MALRD1: variants seen among roughly 807,000 people sequenced by gnomAD.
MALRD1 encodes the protein MAM and LDL-receptor class A domain-containing protein 1.
In MALRD1, 247 loss-of-function variants were observed where a neutral mutation model predicts 242.1. That is an observed-to-expected ratio of 1.02 (90% CI 0.92 to 1.13). MALRD1 has a LOEUF of 1.13. Among genes scored for constraint, MALRD1 ranks in the 50% most tolerant of loss-of-function variants. The probability of loss-of-function intolerance (pLI) is 0.00; values close to 1 mark genes in which losing one functional copy is unlikely to be tolerated. For synonymous variants in MALRD1, 995 were observed against 866.6 expected (o/e 1.15, Z -2.60); for missense variants, 2,989 against 2,533.1 (o/e 1.18, Z -3.86).
intron 5 of MALRD1, among the ~76,000 whole-genome samples, chr10:19,114,601 CA>C (rs1003281551): frequency 6.6e-6 from 1 of 151,406 alleles, no homozygotes; most frequent in Non-Finnish European, 1.5e-5. Flanking sequence ...GCCTAGGTGA[CA>C]AAAAAAGACT....
At chr10:19,514,291 AC>A (rs983582535) in intron 31 of MALRD1, among the ~76,000 whole-genome samples, 1 of 152,210 alleles carries the variant, frequency 6.6e-6, no homozygotes, top group Non-Finnish European at 1.5e-5. Context: ...AATTTCTCAA[AC>A]ACATATTAAT....
intron 34 of MALRD1, among the ~76,000 whole-genome samples, chr10:19,603,548 T>A (rs1458760783): frequency 6.6e-6 from 1 of 152,160 alleles, no homozygotes; most frequent in African/African-American, 2.4e-5. Flanking sequence ...GTTCCATTGG[T>A]CTATATCTCT....
chr10:19,337,294 A>C (rs920312597), intron 24 of MALRD1, among the ~76,000 whole-genome samples: 1 of 152,182 alleles, frequency 6.6e-6, no homozygotes, highest in Non-Finnish European at 1.5e-5. Context: ...AAGATAAAAC[A>C]TAAGAAATCA....
intron 38 of MALRD1, among the ~76,000 whole-genome samples, chr10:19,699,366 G>C (rs1833518060): frequency 6.6e-6 from 1 of 151,910 alleles, no homozygotes. Flanking sequence ...CAGTTATGCA[G>C]ATCCACGGAA....
chr10:19,234,807 C>T (rs1838234909), intron 18 of MALRD1, among the ~76,000 whole-genome samples: 1 of 152,024 alleles, frequency 6.6e-6, no homozygotes, highest in Non-Finnish European at 1.5e-5. Flanking sequence ...GACAAAGGCA[C>T]ACAAGCAAAG....
chr10:19,584,224 T>G (rs916730046), intron 33 of MALRD1, among the ~76,000 whole-genome samples: 3 of 152,172 alleles, frequency 2.0e-5, no homozygotes, highest in Non-Finnish European at 4.4e-5. Context: ...CTCTATTTCC[T>G]TCAGTTCTGC....
chr10:19,270,014 C>T (rs981530142), intron 19 of MALRD1, among the ~76,000 whole-genome samples: 2 of 152,132 alleles, frequency 1.3e-5, no homozygotes, highest in African/African-American at 4.8e-5. Flanking sequence ...ACTAAAGATG[C>T]AGTTCAGACT....
At chr10:19,585,074 T>C (rs377379856) in intron 33 of MALRD1, among the ~76,000 whole-genome samples, 13 of 152,166 alleles carry the variant, frequency 8.5e-5, no homozygotes, top group African/African-American at 3.1e-4. Context: ...TTTCCATTTG[T>C]TTGGTAGATC....
intron 21 of MALRD1, among the ~76,000 whole-genome samples, chr10:19,323,614 C>A (rs1243514638): frequency 6.6e-6 from 1 of 152,000 alleles, no homozygotes; most frequent in Non-Finnish European, 1.5e-5. Flanking sequence ...TCACAGTATT[C>A]TTCTTCTTTT....
chr10:19,262,917 G>A (rs1441593797), intron 19 of MALRD1, among the ~76,000 whole-genome samples: 1 of 152,122 alleles, frequency 6.6e-6, no homozygotes, highest in Non-Finnish European at 1.5e-5. Context: ...ATTTCACTTA[G>A]TGTAATGGAC....
intron 2 of MALRD1, among the ~76,000 whole-genome samples, chr10:19,086,540 C>T (rs749639794): frequency 1.7e-4 from 26 of 152,006 alleles, no homozygotes; most frequent in Non-Finnish European, 2.9e-4. Context: ...TGGTTTTATC[C>T]GTACTGCAGT....
chr10:19,054,829 T>A (rs139483302), intron 1 of MALRD1, among the ~76,000 whole-genome samples: 1,750 of 152,340 alleles, frequency 0.011, 13 homozygotes, highest in Non-Finnish European at 0.018. Flanking sequence ...ATTCTACATC[T>A]TGGCGATTGT....
At chr10:19,613,183 A>T (rs999606268) in intron 35 of MALRD1, among the ~76,000 whole-genome samples, 2 of 151,946 alleles carry the variant, frequency 1.3e-5, no homozygotes, top group African/African-American at 4.8e-5. Context: ...CTTGAGGAAA[A>T]ACCCTGAACA....
In MALRD1 at chr10:19,172,196, C is replaced by CAT. The variant is rs72351561; in HGVS notation, c.1831-3003_1831-3002dup. Reference sequence around the variant, plus strand: ...ACATACATATATATACATATATACACATATATATATGTATATGTATATGTA... The same window carrying CAT: ...ACATACATATATATACATATATACACATATATATATATGTATATGTATATGTA... On this transcript the variant is annotated intron_variant, in intron 13 of 39. Transcript: ENST00000454679. Among the ~76,000 whole-genome samples the CAT allele has an allele frequency of 6.2e-5, 9 of 145,774 alleles. No homozygotes were observed. In the East Asian group the frequency reaches 8.0e-4, roughly 13 times the overall value.
intron 28 of MALRD1, among the ~76,000 whole-genome samples, chr10:19,444,510 CA>C (rs1197690069): frequency 1.3e-5 from 2 of 152,096 alleles, no homozygotes; most frequent in Admixed American, 1.3e-4. Flanking sequence ...TTGGTGGTGA[CA>C]AAATCTCTCC....
In MALRD1 at chr10:19,103,512, A is replaced by G. The variant is rs567684059; in HGVS notation, c.598-467A>G. On this transcript the variant is annotated intron_variant, in intron 4 of 39. Coordinates refer to ENST00000454679, the MANE Select transcript of MALRD1 (RefSeq NM_001142308.3). ...GGAGGCGGAGCTTGTAGATCGTGCC[A>G]CTGCACTCCGGCCTGGGTGAAAAAG... Among the ~76,000 whole-genome samples, 5 of 145,366 alleles carry G rather than the reference A, an allele frequency of 3.4e-5. No individual in the cohort carries two copies. The East Asian group carries it at 8.1e-4, about 24-fold the overall frequency.
At chr10:19,607,561 G>A (rs750801153) in intron 34 of MALRD1, among the ~76,000 whole-genome samples, 2 of 152,074 alleles carry the variant, frequency 1.3e-5, no homozygotes, top group African/African-American at 4.8e-5. Flanking sequence ...GCACATCTGC[G>A]AAGTGATTTT....
chr10:19,238,462 TA>T (rs1564492521), intron 18 of MALRD1, among the ~76,000 whole-genome samples: 5 of 34,890 alleles, frequency 1.4e-4, no homozygotes, highest in South Asian at 1.5e-3. Context: ...ATATAATATA[TA>T]ATATAATATA....
intron 1 of MALRD1, among the ~76,000 whole-genome samples, chr10:19,056,473 A>G (rs1236482437): frequency 6.6e-6 from 1 of 152,028 alleles, no homozygotes; most frequent in Non-Finnish European, 1.5e-5. Context: ...ATAGTTTTCT[A>G]AATTTTTTTG....
Sources: gnomAD v4.1 joint callset for allele counts (sites outside exome capture counted in the v4.1 genomes callset) on GRCh38, gnomAD v4.1.1 for gene constraint, MANE v1.5 for transcripts, NCBI Gene and HGNC (gene_info 2026-07-23, HGNC 2026-07-21) for gene names.